DPP6: variants seen among roughly 807,000 people sequenced by gnomAD.
DPP6 encodes A-type potassium channel modulatory protein DPP6.
Under a neutral mutation model 122.6 loss-of-function variants are expected in DPP6, and 69 were observed. The observed-to-expected ratio is 0.56, with a 90% CI of 0.46 to 0.69. The LOEUF is 0.69. DPP6 is among the 30% of genes least tolerant of loss of function. DPP6 has a pLI of 0.00. For missense variants in DPP6, 928 were observed against 1,116.9 expected (o/e 0.83, Z 2.41); for synonymous variants, 418 against 433.1 (o/e 0.97, Z 0.43).
intron 1 of DPP6, among the ~76,000 whole-genome samples, chr7:154,260,828 ATTTTC>A (rs991459448): frequency 9.9e-5 from 15 of 151,024 alleles, no homozygotes; most frequent in Non-Finnish European, 1.3e-4. Flanking sequence ...ATAATTACTT[ATTTTC>A]TTCTTGGTAA....
intron 6 of DPP6, among the ~76,000 whole-genome samples, chr7:154,656,640 A>T (rs1837270753): frequency 6.6e-6 from 1 of 152,074 alleles, no homozygotes; most frequent in South Asian, 2.1e-4. Flanking sequence ...TCAGATTTGG[A>T]CCACTCACTG....
the DPP6 span, among the ~76,000 whole-genome samples, chr7:153,749,167 T>C: frequency 3.5e-4 from 54 of 152,242 alleles, no homozygotes; most frequent in African/African-American, 1.2e-3. This position sits in a 1 kb window ranked among gnomAD's most constrained non-coding sequence, Gnocchi z 4.1. Flanking sequence ...CTGAGGATGG[T>C]TGGCGGATCG....
At chr7:154,455,755 G>A (rs763363632) in intron 2 of DPP6, among the ~76,000 whole-genome samples, 53 of 152,268 alleles carry the variant, frequency 3.5e-4, no homozygotes, top group Non-Finnish European at 1.2e-4. Context: ...TCACACTCGT[G>A]TTAAGACTAT....
the DPP6 span, among the ~76,000 whole-genome samples, chr7:153,782,480 T>C: frequency 1.3e-5 from 2 of 152,160 alleles, no homozygotes; most frequent in Non-Finnish European, 2.9e-5. Flanking sequence ...GAACAAAACA[T>C]GAAGGAATGC....
chr7:154,288,822 T>C (rs1435610199), intron 1 of DPP6, among the ~76,000 whole-genome samples: 1 of 152,190 alleles, frequency 6.6e-6, no homozygotes, highest in African/African-American at 2.4e-5. Context: ...TACGCTGACA[T>C]TCTAGAGGAC....
At chr7:153,968,488 C>A (rs1407115390) in intron 1 of DPP6, among the ~76,000 whole-genome samples, 2 of 151,900 alleles carry the variant, frequency 1.3e-5, no homozygotes, top group Non-Finnish European at 2.9e-5. Context: ...TTTAAAGCTA[C>A]AATATTTTGG....
At chr7:154,149,787 G>T (rs1191374142) in intron 1 of DPP6, among the ~76,000 whole-genome samples, 1 of 152,200 alleles carries the variant, frequency 6.6e-6, no homozygotes, top group Non-Finnish European at 1.5e-5. Context: ...CACTGACTCA[G>T]TGATGTGTAG....
intron 1 of DPP6, among the ~76,000 whole-genome samples, chr7:154,186,442 T>C (rs1471609847): frequency 6.6e-6 from 1 of 152,274 alleles, no homozygotes; most frequent in African/African-American, 2.4e-5. Context: ...GAAAATGTAT[T>C]GCATACAACA....
intron 16 of DPP6, among the ~76,000 whole-genome samples, chr7:154,813,253 T>G (rs1799187125): frequency 6.6e-6 from 1 of 151,866 alleles, no homozygotes; most frequent in Non-Finnish European, 1.5e-5. Flanking sequence ...GCTAATTTTT[T>G]TTTGTATTTT....
intron 1 of DPP6, among the ~76,000 whole-genome samples, chr7:154,139,621 G>T (rs1795745381): frequency 6.6e-6 from 1 of 151,748 alleles, no homozygotes; most frequent in African/African-American, 2.4e-5. Context: ...GTGGCCGAGT[G>T]TCTGCTTCCT....
intron 1 of DPP6, among the ~76,000 whole-genome samples, chr7:154,108,474 C>A (rs1188284772): frequency 6.6e-6 from 1 of 152,138 alleles, no homozygotes; most frequent in African/African-American, 2.4e-5. Flanking sequence ...TGGAGAACAC[C>A]GATGCTCTCC....
At chr7:153,867,985 A>T in the DPP6 span, among the ~76,000 whole-genome samples, 1 of 152,232 alleles carries the variant, frequency 6.6e-6, no homozygotes, top group African/African-American at 2.4e-5. Context: ...CCAGCCTTGC[A>T]TCCCAGGGAT....
chr7:154,549,575 G>C (rs1043424294), intron 4 of DPP6, among the ~76,000 whole-genome samples: 1 of 152,104 alleles, frequency 6.6e-6, no homozygotes, highest in South Asian at 2.1e-4. Context: ...TGACCTGTAG[G>C]GTATTATTTC....
At position 154,001,336 on chromosome 7, in the gene DPP6, A is replaced by G. The variant is rs1797677650; in HGVS notation, c.51+113602A>G. On this transcript the variant is annotated intron_variant, in intron 1 of 25. Transcript: ENST00000404039. ...TGCCCTAATCAATAGCCCATCAATT[A>G]TGTATGTACTTATGTATGTAAACCC... Among the ~76,000 whole-genome samples the G allele has an allele frequency of 2.7e-5, 4 of 147,276 alleles. 2 individuals carry two copies. The highest frequency in any genetic ancestry group is 6.0e-5 in the Non-Finnish European group (4 of 66,462).
At chr7:154,448,262 A>G (rs1181576571) in intron 2 of DPP6, among the ~76,000 whole-genome samples, 2 of 152,214 alleles carry the variant, frequency 1.3e-5, no homozygotes, top group South Asian at 2.1e-4. Context: ...TGCAAAAATC[A>G]TTTGCATTTT....
At chr7:154,290,309 C>T (rs938734933) in intron 1 of DPP6, among the ~76,000 whole-genome samples, 2 of 152,158 alleles carry the variant, frequency 1.3e-5, no homozygotes, top group Admixed American at 6.5e-5. Context: ...ACTTCAGGCA[C>T]TTCTTATTTC....
chr7:154,766,908 GC>G (rs924406038), intron 8 of DPP6, among the ~76,000 whole-genome samples: 2 of 152,070 alleles, frequency 1.3e-5, no homozygotes, highest in Admixed American at 6.6e-5. Flanking sequence ...GGTGACCCTT[GC>G]CCCCCCTTGC....
chr7:154,725,638 C>G (rs1372344767), intron 7 of DPP6, among the ~76,000 whole-genome samples: 1 of 152,156 alleles, frequency 6.6e-6, no homozygotes, highest in Non-Finnish European at 1.5e-5. Flanking sequence ...TGGGTGGGGT[C>G]ACAAATCCAA....
chr7:154,778,336 T>C (rs1238169354), intron 10 of DPP6, among the ~76,000 whole-genome samples: 1 of 152,086 alleles, frequency 6.6e-6, no homozygotes, highest in Non-Finnish European at 1.5e-5. Context: ...CCCCAGCTCC[T>C]GGGCAGCTTA....
Sources: allele counts gnomAD v4.1 joint callset (sites outside exome capture counted in the v4.1 genomes callset), GRCh38; gene constraint gnomAD v4.1.1; non-coding constraint Gnocchi (gnomAD v3.1); transcripts MANE v1.5; gene names NCBI Gene and HGNC (gene_info 2026-07-23, HGNC 2026-07-21).